BCL2: variants seen among roughly 807,000 people sequenced by gnomAD.
BCL2 encodes the protein BCL2 apoptosis regulator.
In BCL2, 1 loss-of-function variant was observed where a neutral mutation model predicts 14.2. The observed-to-expected ratio is 0.07, with a 90% CI of 0.02 to 0.33. BCL2 has a LOEUF of 0.33. Ranked by LOEUF, BCL2 falls within the 10% of genes least tolerant of loss-of-function variation. The probability of loss-of-function intolerance (pLI) is 0.99; values close to 1 mark genes in which losing one functional copy is unlikely to be tolerated. For missense variants in BCL2, 247 were observed against 305.9 expected, an observed-to-expected ratio of 0.81 and a Z score of 1.44; for synonymous variants, 151 against 137.2, an observed-to-expected ratio of 1.10 and a Z score of -0.70.
At chr18:63,208,947 C>T (rs994209143) in intron 2 of BCL2, among the ~76,000 whole-genome samples, 2 of 152,194 alleles carry the variant, frequency 1.3e-5, no homozygotes, top group Admixed American at 6.5e-5. Flanking sequence ...CTGACCTCCA[C>T]GTGCCACTGC....
intron 2 of BCL2, among the ~76,000 whole-genome samples, chr18:63,244,983 G>T (rs185988068): frequency 6.6e-6 from 1 of 152,108 alleles, no homozygotes; most frequent in African/African-American, 2.4e-5. Flanking sequence ...CTAACTGCAC[G>T]TCCTAAAGGT....
chr18:63,235,784 C>G (rs1379573168), intron 2 of BCL2, among the ~76,000 whole-genome samples: 2 of 151,238 alleles, frequency 1.3e-5, no homozygotes, highest in Non-Finnish European at 2.9e-5. Flanking sequence ...TGCTCGAGAT[C>G]TTTCACAATA....
chr18:63,302,901 A>C lies in BCL2; in HGVS notation c.585+15181T>G, dbSNP rs1253272760. 4 of 984,398 alleles carry C rather than the reference A, an allele frequency of 4.1e-6. No homozygotes were observed. The African/African-American group carries it at 7.0e-5, about 17-fold the overall frequency. 61.0% of individuals were successfully genotyped at this position (984,398 alleles called of 1,614,324 possible). A position where few individuals can be genotyped will look rare whatever the true frequency, so the allele number is the denominator to read the frequency against. ...TGCTGTTCTGGGCCAAATGTATCCA[A>C]ATTAAACTGAGGGGGATGGAAATAA... On this transcript the variant is annotated intron_variant, in intron 2 of 2. Transcript: ENST00000333681.
intron 2 of BCL2, among the ~76,000 whole-genome samples, chr18:63,238,941 G>A (rs11152374): frequency 0.19 from 28,573 of 152,144 alleles, 2,923 homozygotes; most frequent in East Asian, 0.24. Flanking sequence ...TCTTGGTAAC[G>A]AGAGAGCAGA....
At chr18:63,177,224 A>T (rs532178419) in intron 2 of BCL2, among the ~76,000 whole-genome samples, 82 of 151,720 alleles carry the variant, frequency 5.4e-4, no homozygotes, top group African/African-American at 1.6e-3. Context: ...AAAATAAATT[A>T]AAAAAAAAGT....
chr18:63,239,795 G>T (rs1910945973), intron 2 of BCL2, among the ~76,000 whole-genome samples: 2 of 152,078 alleles, frequency 1.3e-5, no homozygotes, highest in East Asian at 1.9e-4. Context: ...CAACTGGGAG[G>T]ATTTGGGTAG....
chr18:63,158,946 C>T (rs899441943), intron 2 of BCL2, among the ~76,000 whole-genome samples: 3 of 152,202 alleles, frequency 2.0e-5, no homozygotes, highest in Admixed American at 6.5e-5. Flanking sequence ...ACGTTAACCC[C>T]CCATCCCACT....
intron 2 of BCL2, among the ~76,000 whole-genome samples, chr18:63,199,501 TACACAG>T (rs1909624180): frequency 7.7e-6 from 1 of 130,470 alleles, no homozygotes; most frequent in Non-Finnish European, 1.6e-5. Context: ...GACACATGCA[TACACAG>T]ACACAGAGAC....
At position 63,149,847 on chromosome 18, in the gene BCL2, T is replaced by TTATTTATA. The variant is rs1436770352; in HGVS notation, c.586-21089_586-21088insTATAAATA. Among the ~76,000 whole-genome samples the TTATTTATA allele has an allele frequency of 5.4e-4, 34 of 63,020 alleles. No homozygotes were observed. The highest frequency in any genetic ancestry group is 2.0e-3 in the African/African-American group (33 of 16,730). The allele number at this position is 63,020 out of a possible 152,430, so 41.3% of individuals were successfully genotyped here. ...AAAGGGTTCTCCTGACATGAGGCATTTATTTATTTATTTATTTATTTATTT... is the reference window on the plus strand; with the variant it reads ...AAAGGGTTCTCCTGACATGAGGCATTTATTTATATATTTATTTATTTATTTATTTATTT... On this transcript the variant is annotated intron_variant, in intron 2 of 2. Coordinates refer to ENST00000333681, the MANE Select transcript of BCL2 (RefSeq NM_000633.3). The surrounding 1 kb of genome is among the most constrained non-coding windows in gnomAD (Gnocchi z 4.2).
chr18:63,245,667 G>A (rs972648409), intron 2 of BCL2, among the ~76,000 whole-genome samples: 5 of 152,088 alleles, frequency 3.3e-5, no homozygotes, highest in African/African-American at 9.7e-5. Flanking sequence ...TAATACTAAC[G>A]TCAGTTTCCT....
At chr18:63,160,091 G>T (rs1449803321) in intron 2 of BCL2, among the ~76,000 whole-genome samples, 1 of 152,142 alleles carries the variant, frequency 6.6e-6, no homozygotes, top group Non-Finnish European at 1.5e-5. Flanking sequence ...AAGATATGCA[G>T]CATTTCCATC....
chr18:63,281,728 GAAAGAAAGAAAA>G (rs1333244840), intron 2 of BCL2, among the ~76,000 whole-genome samples: 179 of 124,676 alleles, frequency 1.4e-3, no homozygotes, highest in African/African-American at 5.0e-3. Flanking sequence ...AAGAAAGAAA[GAAAGAAAGAAAA>G]AGAGAGAGGA....
chr18:63,267,695 G>A (rs1323097004), intron 2 of BCL2, among the ~76,000 whole-genome samples: 1 of 152,160 alleles, frequency 6.6e-6, no homozygotes, highest in East Asian at 1.9e-4. Context: ...TCCTTGAGAG[G>A]TATCAGCTAA....
rs540913279 is a variant in BCL2, at chr18:63,230,645, CTAAA to C, written c.585+87433_585+87436del. Reference sequence around the variant, plus strand: ...CTATTAGGCATAAAATGGGTCATAACTAAATAGAGTAAAGATTTTAAAGCATGAG... The same window carrying C: ...CTATTAGGCATAAAATGGGTCATAACTAGAGTAAAGATTTTAAAGCATGAG... On this transcript the variant is annotated intron_variant, in intron 2 of 2. Transcript: ENST00000333681. Among the ~76,000 whole-genome samples, 795 of 152,030 alleles carry C rather than the reference CTAAA, an allele frequency of 5.2e-3. 6 individuals carry two copies. Among genetic ancestry groups the C allele is most frequent in the African/African-American group, 0.018 (749 of 41,518 alleles).
intron 2 of BCL2, among the ~76,000 whole-genome samples, chr18:63,244,372 T>G (rs1194462406): frequency 6.6e-6 from 1 of 151,476 alleles, no homozygotes; most frequent in Non-Finnish European, 1.5e-5. Context: ...AGCAAGACTC[T>G]GTCTCAAAAA....
At chr18:63,203,473 G>A (rs1278188499) in intron 2 of BCL2, among the ~76,000 whole-genome samples, 1 of 152,152 alleles carries the variant, frequency 6.6e-6, no homozygotes, top group African/African-American at 2.4e-5. Context: ...GATTGTGATT[G>A]TACTAGCAAA....
chr18:63,138,378 G>A (rs1447173478), intron 2 of BCL2, among the ~76,000 whole-genome samples: 2 of 152,258 alleles, frequency 1.3e-5, no homozygotes, highest in Non-Finnish European at 2.9e-5. Flanking sequence ...CGTCTGCAGA[G>A]CAGTGTGGCT....
chr18:63,150,612 G>A (rs1432992640), intron 2 of BCL2, among the ~76,000 whole-genome samples: 1 of 151,778 alleles, frequency 6.6e-6, no homozygotes, highest in Non-Finnish European at 1.5e-5. Context: ...TGTATTTTCC[G>A]TGTCCCATGA....
At chr18:63,251,470 C>A (rs1911312348) in intron 2 of BCL2, among the ~76,000 whole-genome samples, 2 of 151,494 alleles carry the variant, frequency 1.3e-5, no homozygotes, top group African/African-American at 2.4e-5. Context: ...GGTGAAACCC[C>A]GTCTCTACTA....
Sources: gnomAD v4.1 joint callset for allele counts (sites outside exome capture counted in the v4.1 genomes callset) on GRCh38, gnomAD v4.1.1 for gene constraint, Gnocchi (gnomAD v3.1) non-coding constraint, MANE v1.5 for transcripts, NCBI Gene and HGNC (gene_info 2026-07-23, HGNC 2026-07-21) for gene names.